Variants in LOC128462377 observed in about 807,000 individuals in gnomAD.
the LOC128462377 span, among the ~76,000 whole-genome samples, chr16:89,367,836 T>A: frequency 6.6e-6 from 1 of 152,202 alleles, no homozygotes; most frequent in East Asian, 1.9e-4. Context: ...GGCGAAACCC[T>A]GTCTCTACAA....
chr16:89,322,691 G>A, the LOC128462377 span, among the ~76,000 whole-genome samples: 1 of 152,188 alleles, frequency 6.6e-6, no homozygotes, highest in Non-Finnish European at 1.5e-5. Context: ...GGTGGGGAAG[G>A]GGGAGTGAGG....
At chr16:89,328,135 A>G in the LOC128462377 span, among the ~76,000 whole-genome samples, 45 of 125,002 alleles carry the variant, frequency 3.6e-4, 1 homozygote, top group African/African-American at 1.3e-3. Context: ...GGGAAACACA[A>G]CTTAAAGCCG....
At chr16:89,414,256 T>A in the LOC128462377 span, among the ~76,000 whole-genome samples, 10 of 152,248 alleles carry the variant, frequency 6.6e-5, no homozygotes, top group Non-Finnish European at 1.5e-5. Context: ...GCCTTTGTTA[T>A]CATTAACAAA....
chr16:89,401,401 C>T, the LOC128462377 span, among the ~76,000 whole-genome samples: 1 of 152,088 alleles, frequency 6.6e-6, no homozygotes. Context: ...GATTATGCAG[C>T]CACTAAATAT....
chr16:89,352,030 C>A, the LOC128462377 span, among the ~76,000 whole-genome samples: 4 of 152,118 alleles, frequency 2.6e-5, no homozygotes, highest in Non-Finnish European at 5.9e-5. Flanking sequence ...CACGCCTCCG[C>A]TGAAATGACA....
the LOC128462377 span, among the ~76,000 whole-genome samples, chr16:89,411,567 C>T: frequency 6.6e-6 from 1 of 152,148 alleles, no homozygotes; most frequent in Non-Finnish European, 1.5e-5. Flanking sequence ...GCACACACAA[C>T]CACGCCTGGC....
At chr16:89,379,263 T>C in the LOC128462377 span, among the ~76,000 whole-genome samples, 1 of 152,228 alleles carries the variant, frequency 6.6e-6, no homozygotes, top group African/African-American at 2.4e-5. Flanking sequence ...AATCCTATCT[T>C]GAAAACTTAG....
chr16:89,399,620 T>A, the LOC128462377 span, among the ~76,000 whole-genome samples: 2 of 152,234 alleles, frequency 1.3e-5, no homozygotes, highest in East Asian at 3.9e-4. Context: ...AACCATAGAC[T>A]GCACAGCACC....
the LOC128462377 span, among the ~76,000 whole-genome samples, chr16:89,349,967 T>C: frequency 1.1e-3 from 158 of 149,972 alleles, no homozygotes; most frequent in African/African-American, 3.8e-3. Flanking sequence ...CATAAAGAAC[T>C]CTCAAAAATC....
chr16:89,355,105 T>C, the LOC128462377 span, among the ~76,000 whole-genome samples: 294 of 152,356 alleles, frequency 1.9e-3, no homozygotes, highest in Middle Eastern at 0.01. Context: ...TGACATTTCC[T>C]GGGCAGCTGC....
At chr16:89,401,235 C>T in the LOC128462377 span, among the ~76,000 whole-genome samples, 1 of 152,050 alleles carries the variant, frequency 6.6e-6, no homozygotes, top group African/African-American at 2.4e-5. Flanking sequence ...GCCGCCACCA[C>T]GCCCGGCTAA....
chr16:89,382,843 G>C, the LOC128462377 span, among the ~76,000 whole-genome samples: 1 of 152,002 alleles, frequency 6.6e-6, no homozygotes, highest in East Asian at 1.9e-4. Flanking sequence ...AGTTTCCTTT[G>C]TTTGCCCATT....
the LOC128462377 span, among the ~76,000 whole-genome samples, chr16:89,371,723 G>T: frequency 6.6e-5 from 10 of 152,186 alleles, no homozygotes; most frequent in African/African-American, 2.4e-4. Context: ...CTCGGGTGTG[G>T]AGGGCGATGC....
chr16:89,325,469 T>TCTCACA, the LOC128462377 span, among the ~76,000 whole-genome samples: 10 of 147,742 alleles, frequency 6.8e-5, no homozygotes, highest in Admixed American at 2.7e-4. Flanking sequence ...TCTCTCTCTC[T>TCTCACA]CACACACACA....
At chr16:89,388,718 G>A in the LOC128462377 span, among the ~76,000 whole-genome samples, 1 of 152,158 alleles carries the variant, frequency 6.6e-6, no homozygotes, top group African/African-American at 2.4e-5. Flanking sequence ...ACACAAAGAA[G>A]AGCCGGCAGG....
At chr16:89,375,059 C>T in the LOC128462377 span, among the ~76,000 whole-genome samples, 1 of 152,088 alleles carries the variant, frequency 6.6e-6, no homozygotes, top group East Asian at 1.9e-4. Context: ...CTGTACATGG[C>T]ATCGTTCAGC....
chr16:89,327,190 C>A, the LOC128462377 span, among the ~76,000 whole-genome samples: 1 of 152,288 alleles, frequency 6.6e-6, no homozygotes, highest in Non-Finnish European at 1.5e-5. Context: ...GTCAACGTCA[C>A]CCAGCATGCC....
chr16:89,345,539 G>C, the LOC128462377 span, among the ~76,000 whole-genome samples: 2 of 152,234 alleles, frequency 1.3e-5, no homozygotes, highest in South Asian at 2.1e-4. Context: ...CCAGCTTCCA[G>C]AACTGTGAGA....
At chr16:89,353,748 G>A in the LOC128462377 span, among the ~76,000 whole-genome samples, 1 of 152,172 alleles carries the variant, frequency 6.6e-6, no homozygotes, top group Non-Finnish European at 1.5e-5. Context: ...CCAAAGTGCT[G>A]GGATTACAGG....
Sources: gnomAD v4.1 joint callset for allele counts (sites outside exome capture counted in the v4.1 genomes callset) on GRCh38, gnomAD v4.1.1 for gene constraint, MANE v1.5 for transcripts.